The following PHF8 variants were observed in gnomAD, a reference collection of about 807,000 sequenced individuals.
The protein encoded by PHF8 is PHD finger protein 8, also known as histone lysine demethylase PHF8.
In PHF8, 9 loss-of-function variants were observed where a neutral mutation model predicts 74.4. The observed-to-expected ratio is 0.12, with a 90% CI of 0.07 to 0.21. The LOEUF is 0.21. PHF8 is among the 10% of genes least tolerant of loss of function. The pLI is 1.00. For synonymous variants in PHF8, 311 were observed against 316.6 expected (o/e 0.98, Z 0.19); for missense variants, 478 against 816.6 (o/e 0.59, Z 5.05).
At chrX:53,993,976 G>A in intron 12 of PHF8, 73 bp from the exon 13 acceptor site, 1 of 775,596 alleles carries the variant, frequency 1.3e-6, no homozygotes, top group Non-Finnish European at 1.9e-6. Flanking sequence ...GCAGAGGTCT[G>A]TTCCTGGTAC....
chrX:53,954,665 AGGTGT>A (rs2064988192), intron 19 of PHF8, among the ~76,000 whole-genome samples: 1 of 91,809 alleles, frequency 1.1e-5, no homozygotes, highest in African/African-American at 4.0e-5. Flanking sequence ...ATATATATAT[AGGTGT>A]TCATGGTAAT....
chrX:53,985,960 G>T lies in PHF8; in HGVS notation c.1996-11C>A. On this transcript the variant is annotated splice_polypyrimidine_tract_variant and intron_variant, in intron 16 of 21. Coordinates refer to ENST00000338154, the MANE Select transcript of PHF8 (RefSeq NM_015107.3). ...TGTTGTATAGTCCTCCTGTTGGAGA[G>T]AGAGTGTATCACCTCAGCTGCCCAG... The T allele has an allele frequency of 1.7e-6, 2 of 1,209,033 alleles. No homozygotes were observed. The highest frequency in any genetic ancestry group is 2.2e-5 in the Admixed American group (1 of 46,043).
intron 19 of PHF8, 116 bp downstream of exon 19, chrX:53,962,728 G>T: frequency 3.7e-6 from 2 of 543,198 alleles, no homozygotes; most frequent in Non-Finnish European, 6.7e-6. Context: ...ACAAATGTTT[G>T]CTGAATAAAC....
upstream of PHF8, among the ~76,000 whole-genome samples, chrX:54,048,513 T>C (rs1356149046): frequency 8.9e-6 from 1 of 111,794 alleles, no homozygotes; most frequent in Non-Finnish European, 1.9e-5. Flanking sequence ...CTCCTAAAAT[T>C]CCTCCCCAGT....
At chrX:53,977,731 C>G (rs1206086434) in intron 18 of PHF8, among the ~76,000 whole-genome samples, 1 of 107,064 alleles carries the variant, frequency 9.3e-6, no homozygotes, top group Non-Finnish European at 1.9e-5. Context: ...ACTGCAAGCT[C>G]CGACTCCTGG....
intron 4 of PHF8, 45 bp from the exon 5 acceptor site, chrX:54,017,866 C>T: frequency 8.6e-7 from 1 of 1,159,192 alleles, no homozygotes; most frequent in Non-Finnish European, 1.2e-6. Flanking sequence ...GCCCTGCCCA[C>T]TAAAGGCCTT....
At chrX:54,037,764 C>A (rs2066488046) in intron 2 of PHF8, among the ~76,000 whole-genome samples, 1 of 112,073 alleles carries the variant, frequency 8.9e-6, no homozygotes, top group African/African-American at 3.2e-5. Context: ...TTAAAACTCC[C>A]CCAAAAGATA....
At chrX:53,969,324 A>G (rs1270204904) in intron 18 of PHF8, among the ~76,000 whole-genome samples, 1 of 111,468 alleles carries the variant, frequency 9.0e-6, no homozygotes, top group Non-Finnish European at 1.9e-5. Flanking sequence ...ATGTGCTAAC[A>G]GTGAATGATC....
chrX:54,008,456 AGGTG>A (rs1219834697), intron 8 of PHF8, among the ~76,000 whole-genome samples: 1 of 108,535 alleles, frequency 9.2e-6, no homozygotes, highest in Admixed American at 9.9e-5. Flanking sequence ...TGGGAGGCCT[AGGTG>A]GGTGGATCAC....
intron 16 of PHF8, 105 bp from the exon 17 acceptor site, chrX:53,986,054 C>A: frequency 1.4e-6 from 1 of 740,174 alleles, no homozygotes. Context: ...TTCTGAGCAC[C>A]AAGTATAGAC....
At chrX:53,999,592 T>C (rs940434079) in intron 11 of PHF8, 17 of 312,772 alleles carry the variant, frequency 5.4e-5, no homozygotes, top group African/African-American at 1.1e-4. Flanking sequence ...CAAGTGTTAA[T>C]AGCAGTTCCC....
chrX:54,031,599 C>A lies in PHF8; in HGVS notation c.99-8756G>T, dbSNP rs181322803. Among the ~76,000 whole-genome samples, 3 of 107,344 alleles carry A rather than the reference C, an allele frequency of 2.8e-5. No individual in the cohort carries two copies. The Admixed American group carries it at 3.0e-4, about 11-fold the overall frequency. 93.2% of individuals were successfully genotyped at this position (107,344 alleles called of 115,157 possible). ...GTTCTATCTCCAAAAAAAAAAAAAA[C>A]CCAAACAAAAAACCCTTTTGTGATC... On this transcript the variant is annotated intron_variant, in intron 2 of 21. Coordinates refer to ENST00000338154, the MANE Select transcript of PHF8 (RefSeq NM_015107.3).
intron 19 of PHF8, among the ~76,000 whole-genome samples, chrX:53,959,943 G>T (rs1557090154): frequency 9.2e-6 from 1 of 109,213 alleles, no homozygotes; most frequent in African/African-American, 3.3e-5. Context: ...AAGAAAGGGT[G>T]GCATACTTCT....
chrX:53,992,905 C>T (rs1206233992), intron 13 of PHF8, 66 bp from the exon 14 acceptor site: 1 of 744,345 alleles, frequency 1.3e-6, no homozygotes, highest in African/African-American at 2.1e-5. Context: ...ATGGCAAGTT[C>T]CCTCTGGTTT....
intron 11 of PHF8, 106 bp downstream of exon 11, chrX:53,999,764 G>C: frequency 1.9e-6 from 1 of 523,330 alleles, no homozygotes; most frequent in Non-Finnish European, 3.5e-6. Flanking sequence ...ACACCCAGGA[G>C]CCCACAAGCT....
intron 8 of PHF8, 107 bp downstream of exon 8, chrX:54,011,015 A>G (rs901657707): frequency 1.9e-5 from 14 of 723,461 alleles, no homozygotes; most frequent in Non-Finnish European, 3.0e-5. Flanking sequence ...CCTTTCGCTG[A>G]TATGAGAAAG....
At chrX:53,949,200 T>C (rs2064879990) in intron 19 of PHF8, among the ~76,000 whole-genome samples, 1 of 109,593 alleles carries the variant, frequency 9.1e-6, no homozygotes, top group Admixed American at 9.7e-5. Flanking sequence ...CCAGGTGTGG[T>C]GGCACGTGCC....
intron 7 of PHF8, among the ~76,000 whole-genome samples, chrX:54,013,567 C>T (rs1449926102): frequency 9.0e-6 from 1 of 111,016 alleles, no homozygotes; most frequent in African/African-American, 3.3e-5. Context: ...ACTGTAATCC[C>T]AACACTTTGG....
chrX:54,002,579 C>T lies in PHF8; in HGVS notation c.1034+16G>A. On this transcript the variant is annotated intron_variant, in intron 9 of 21. Transcript: ENST00000338154. ...AGGAATGGCCAACATAGAATCACCA[C>T]AGTTTCAGTACTCACTTGAGCTGCA... The T allele has an allele frequency of 9.2e-7, 1 of 1,085,658 alleles. No homozygotes were observed. The highest frequency in any genetic ancestry group is 1.8e-5 in the African/African-American group (1 of 55,293). 89.5% of individuals were successfully genotyped at this position (1,085,658 alleles called of 1,213,427 possible). A position where few individuals can be genotyped will look rare whatever the true frequency, so the allele number is the denominator to read the frequency against.
Sources: allele counts gnomAD v4.1 joint callset (sites outside exome capture counted in the v4.1 genomes callset), GRCh38; gene constraint gnomAD v4.1.1; transcripts MANE v1.5; gene names NCBI Gene and HGNC (gene_info 2026-07-23, HGNC 2026-07-21).